Variants in AZIN2 observed in about 807,000 individuals in gnomAD.
AZIN2 encodes the protein ODC antizyme inhibitor-2.
AZIN2 carries 28 observed loss-of-function variants against 47.8 expected under a neutral mutation model. The observed-to-expected ratio is 0.59, with a 90% CI of 0.43 to 0.80. The LOEUF is 0.80. Ranked by LOEUF, AZIN2 falls within the 30% of genes least tolerant of loss-of-function variation. The pLI, the probability that AZIN2 is intolerant of heterozygous loss-of-function variation, is 0.00. For missense variants in AZIN2, 535 were observed against 582.5 expected (o/e 0.92, Z 0.84); for synonymous variants, 221 against 239.4 (o/e 0.92, Z 0.71).
the AZIN2 span, chr1:33,142,689 TTAACCTCCCACTTTA>T: frequency 6.6e-6 from 1 of 152,252 alleles, no homozygotes; most frequent in Non-Finnish European, 1.5e-5. Context: ...GGAGCCTGGT[TTAACCTCCCACTTTA>T]AATCCCAGGG....
chr1:33,084,698 G>A (rs571233878), intron 5 of AZIN2, among the ~76,000 whole-genome samples: 29 of 152,134 alleles, frequency 1.9e-4, no homozygotes, highest in African/African-American at 4.8e-5. Flanking sequence ...CCGGGTTCAA[G>A]TGATTCTCCT....
rs1644626891 is a variant in AZIN2 at position 33,117,894 on chromosome 1, TC to T, written c.1030-6del. Reference sequence around the variant, plus strand: ...GAGAGCTGGCATGGCCATCCCTTCTTCCTACAGAAACCATCCACGGAGCAGC... The same window carrying T: ...GAGAGCTGGCATGGCCATCCCTTCTTCTACAGAAACCATCCACGGAGCAGC... On this transcript the variant is annotated splice_polypyrimidine_tract_variant and splice_region_variant and intron_variant, in intron 10 of 11. Transcript: ENST00000294517. 6.2e-7 allele frequency: 1 copy of T among 1,614,172 alleles called. No homozygotes were observed. Among genetic ancestry groups the T allele is most frequent in the African/African-American group, 1.3e-5 (1 of 75,058 alleles).
In AZIN2 at chr1:33,105,634, C is replaced by T. The variant is rs528585373; in HGVS notation, c.1029+7455C>T. ...CTCACTATCATAAGAATAGCATGGG[C>T]GAAACTGCCCGCCATGATCCAATCA... is the stretch of plus-strand genomic sequence containing the variant. On this transcript the variant is annotated intron_variant, in intron 10 of 11. Coordinates refer to ENST00000294517, the MANE Select transcript of AZIN2 (RefSeq NM_052998.4). Among the ~76,000 whole-genome samples, 13 of 152,212 alleles carry T rather than the reference C, an allele frequency of 8.5e-5. No individual in the cohort carries two copies. The East Asian group carries it at 1.9e-3, about 23-fold the overall frequency.
At chr1:33,164,950 A>G in the AZIN2 span, 1 of 108,170 alleles carries the variant, frequency 9.2e-6, no homozygotes, top group Non-Finnish European at 1.9e-5. Flanking sequence ...GCCTGGCTAT[A>G]TTCAATTTTT....
chr1:33,161,563 T>C, the AZIN2 span, among the ~76,000 whole-genome samples: 1 of 152,014 alleles, frequency 6.6e-6, no homozygotes, highest in Non-Finnish European at 1.5e-5. The surrounding 1 kb of genome is among the most constrained non-coding windows in gnomAD (Gnocchi z 4.3). Flanking sequence ...TCGCTGCGCA[T>C]GCCCACCCAG....
the AZIN2 span, among the ~76,000 whole-genome samples, chr1:33,128,853 T>C: frequency 6.6e-6 from 1 of 152,252 alleles, no homozygotes; most frequent in Admixed American, 6.5e-5. Flanking sequence ...CATGTTTCAT[T>C]TGAGATCTTT....
At chr1:33,096,936 G>C in intron 9 of AZIN2, 67 bp downstream of exon 9, 1 of 1,599,964 alleles carries the variant, frequency 6.3e-7, no homozygotes, top group Non-Finnish European at 8.5e-7. Flanking sequence ...TGGCTGAGCA[G>C]GATCTGGTTT....
At chr1:33,151,267 A>G in the AZIN2 span, among the ~76,000 whole-genome samples, 2 of 152,076 alleles carry the variant, frequency 1.3e-5, no homozygotes, top group Non-Finnish European at 2.9e-5. Context: ...GGATGGGTAC[A>G]GGGCCTGCCA....
the AZIN2 span, among the ~76,000 whole-genome samples, chr1:33,154,821 C>T: frequency 7.5e-5 from 11 of 147,518 alleles, no homozygotes; most frequent in East Asian, 1.8e-3. Context: ...TGGCCAGGCG[C>T]GGTGATTCAC....
chr1:33,137,982 G>C, the AZIN2 span, among the ~76,000 whole-genome samples: 1 of 152,210 alleles, frequency 6.6e-6, no homozygotes, highest in Non-Finnish European at 1.5e-5. Context: ...GGAAAGGGGT[G>C]GGCTTCTACT....
At chr1:33,138,657 A>G in the AZIN2 span, among the ~76,000 whole-genome samples, 11 of 151,904 alleles carry the variant, frequency 7.2e-5, no homozygotes, top group Admixed American at 6.6e-4. Context: ...AAAAGGAAAG[A>G]AAGACTGTAA....
At position 33,118,003 on chromosome 1, in the gene AZIN2, C is replaced by A. The variant is rs762980724; in HGVS notation, c.1131C>A (p.His377Gln). The A allele has an allele frequency of 4.4e-6, 7 of 1,604,636 alleles. No individual in the cohort carries two copies. Among genetic ancestry groups the A allele is most frequent in the Non-Finnish European group, 5.1e-6 (6 of 1,175,510 alleles). Residue 377 changes from histidine to glutamine, a missense_variant, in exon 11 of 12, where the codon CAC becomes CAA. Around this residue, in one of 3 missense-constraint regions of AZIN2, gnomAD observed 122 missense variants for 135.8 expected, o/e 0.90. Coordinates refer to ENST00000294517, the MANE Select transcript of AZIN2 (RefSeq NM_052998.4). ...AGGGCCTGTGGCTGCCGCAACTACA[C>A]GTAGGGGACTGGCTGGTCTTTGACA... ...VAEGLWLPQL[H>Q]VGDWLVFDNM...
chr1:33,160,490 C>T, the AZIN2 span, among the ~76,000 whole-genome samples: 5 of 152,022 alleles, frequency 3.3e-5, no homozygotes, highest in South Asian at 4.1e-4. Context: ...TTGCAACCTC[C>T]ACCTCCTGGG....
the AZIN2 span, chr1:33,146,421 C>A: frequency 6.3e-6 from 1 of 159,584 alleles, no homozygotes; most frequent in Non-Finnish European, 1.4e-5. Context: ...TACTGGGGAC[C>A]TCGATCATCC....
chr1:33,098,374 T>G (rs1643380297), intron 10 of AZIN2, among the ~76,000 whole-genome samples, 195 bp downstream of exon 10: 1 of 152,262 alleles, frequency 6.6e-6, no homozygotes, highest in African/African-American at 2.4e-5. Flanking sequence ...CCTTATACTT[T>G]TTTCATGACA....
the AZIN2 span, chr1:33,165,808 A>C: frequency 2.8e-6 from 1 of 362,952 alleles, no homozygotes; most frequent in Non-Finnish European, 5.0e-6. The surrounding 1 kb of genome is among the most constrained non-coding windows in gnomAD (Gnocchi z 4.0). Flanking sequence ...GCCACCCTAG[A>C]GGCTTCTGTG....
At chr1:33,158,460 T>A in the AZIN2 span, 1 of 959,288 alleles carries the variant, frequency 1.0e-6, no homozygotes, top group Non-Finnish European at 1.7e-6. Context: ...GCAGCTGGCA[T>A]AGGATGTGGT....
chr1:33,095,654 A>C (rs576582151), intron 8 of AZIN2, among the ~76,000 whole-genome samples: 2 of 152,236 alleles, frequency 1.3e-5, no homozygotes, highest in South Asian at 4.2e-4. Context: ...AACAACGCAG[A>C]GCTTAGGAGC....
At chr1:33,088,728 C>T (rs936962579) in intron 5 of AZIN2, among the ~76,000 whole-genome samples, 3 of 152,174 alleles carry the variant, frequency 2.0e-5, no homozygotes, top group Non-Finnish European at 4.4e-5. Flanking sequence ...CAGACCACTT[C>T]CTCTACTGGA....
Sources: gnomAD v4.1 joint callset for allele counts (sites outside exome capture counted in the v4.1 genomes callset) on GRCh38, gnomAD v4.1.1 for gene constraint, gnomAD v4.1.1 regional missense constraint, Gnocchi (gnomAD v3.1) non-coding constraint, MANE v1.5 for transcripts, NCBI Gene and HGNC (gene_info 2026-07-23, HGNC 2026-07-21) for gene names.